FBXL13: variants seen among roughly 807,000 people sequenced by gnomAD.
The protein encoded by FBXL13 is F-box and leucine-rich repeat protein 13.
Under a neutral mutation model 83.6 loss-of-function variants are expected in FBXL13, and 67 were observed. The observed-to-expected ratio is 0.80, with a 90% CI of 0.66 to 0.98. FBXL13 has a LOEUF of 0.98. Among genes scored for constraint, FBXL13 ranks in the 50% least tolerant of loss-of-function variants. The pLI is 0.00. For synonymous variants in FBXL13, 272 were observed against 299.5 expected (o/e 0.91, Z 0.95); for missense variants, 822 against 866.5 (o/e 0.95, Z 0.64).
At chr7:102,925,702 G>A (rs538880278) in intron 10 of FBXL13, among the ~76,000 whole-genome samples, 5 of 152,072 alleles carry the variant, frequency 3.3e-5, no homozygotes, top group Non-Finnish European at 5.9e-5. Flanking sequence ...AGCGCTTTGG[G>A]AGGCCCAGGC....
At chr7:102,852,007 C>T (rs1196065319) in intron 17 of FBXL13, among the ~76,000 whole-genome samples, 1 of 152,134 alleles carries the variant, frequency 6.6e-6, no homozygotes, top group African/African-American at 2.4e-5. Flanking sequence ...TGTTGAGTAT[C>T]TGGCATAATT....
At chr7:103,052,605 A>G (rs1026463667) in intron 2 of FBXL13, among the ~76,000 whole-genome samples, 8 of 152,172 alleles carry the variant, frequency 5.3e-5, no homozygotes, top group African/African-American at 1.7e-4. Flanking sequence ...TTGCAAAGTC[A>G]TATCTCATTT....
chr7:103,031,971 A>G (rs10808121), intron 2 of FBXL13, among the ~76,000 whole-genome samples: 148,103 of 152,278 alleles, frequency 0.97, 72,175 homozygotes, highest in East Asian at 1. Context: ...TATTATGACT[A>G]AGAGTATGTC....
At chr7:103,055,160 T>G (rs1797216514) in intron 2 of FBXL13, 1 of 1,288,736 alleles carries the variant, frequency 7.8e-7, no homozygotes. Context: ...GTTTCATTGA[T>G]GGAGTAATGC....
intron 6 of FBXL13, among the ~76,000 whole-genome samples, chr7:103,004,991 T>C (rs1297488647): frequency 6.6e-6 from 1 of 152,226 alleles, no homozygotes; most frequent in Non-Finnish European, 1.5e-5. Flanking sequence ...TCAAGGAACA[T>C]AGTCCTAGAC....
At chr7:102,839,178 G>C (rs1401524669) in intron 17 of FBXL13, among the ~76,000 whole-genome samples, 2 of 152,192 alleles carry the variant, frequency 1.3e-5, no homozygotes, top group African/African-American at 4.8e-5. Context: ...GCAAAAATCT[G>C]GCTTACGTGC....
At chr7:103,033,685 C>T (rs1244797562) in intron 2 of FBXL13, among the ~76,000 whole-genome samples, 2 of 152,086 alleles carry the variant, frequency 1.3e-5, no homozygotes, top group Non-Finnish European at 2.9e-5. Context: ...GTGAGTGTTA[C>T]AGCTCATAAA....
At chr7:102,939,535 A>C in intron 8 of FBXL13, 1 of 1,614,102 alleles carries the variant, frequency 6.2e-7, no homozygotes, top group Non-Finnish European at 8.5e-7. Context: ...GATGTTCATG[A>C]GCTGAAGAAA....
chr7:102,972,025 CA>C (rs199784264), intron 6 of FBXL13, among the ~76,000 whole-genome samples: 4,039 of 90,880 alleles, frequency 0.044, 152 homozygotes, highest in East Asian at 0.22. Context: ...GAGTCCATCT[CA>C]AAAAAAAAAA....
At chr7:102,818,055 G>T (rs1798241182) in intron 19 of FBXL13, among the ~76,000 whole-genome samples, 1 of 152,178 alleles carries the variant, frequency 6.6e-6, no homozygotes, top group Non-Finnish European at 1.5e-5. Context: ...GGGATTCAGG[G>T]TTAGCCCTGT....
At chr7:102,983,545 G>A (rs183424539) in intron 6 of FBXL13, among the ~76,000 whole-genome samples, 18 of 151,516 alleles carry the variant, frequency 1.2e-4, no homozygotes, top group African/African-American at 4.1e-4. Context: ...TCAGCCTCTG[G>A]AGTAGCTGGT....
chr7:103,019,568 G>A (rs1482575277), intron 6 of FBXL13, among the ~76,000 whole-genome samples: 1 of 152,112 alleles, frequency 6.6e-6, no homozygotes, highest in African/African-American at 2.4e-5. Flanking sequence ...AAAATTGACA[G>A]ACGGATAGCA....
At chr7:102,918,276 T>A (rs774065869) in intron 10 of FBXL13, among the ~76,000 whole-genome samples, 4 of 152,220 alleles carry the variant, frequency 2.6e-5, no homozygotes, top group Non-Finnish European at 5.9e-5. Context: ...TCAAGTAGTA[T>A]CTATTCTGAA....
intron 1 of FBXL13, among the ~76,000 whole-genome samples, chr7:103,057,709 G>A (rs1797468671): frequency 6.6e-6 from 1 of 152,130 alleles, no homozygotes; most frequent in African/African-American, 2.4e-5. Flanking sequence ...TTTTCCTTAT[G>A]AGGTCCCCCC....
intron 6 of FBXL13, among the ~76,000 whole-genome samples, chr7:102,980,278 G>A (rs1025544908): frequency 6.6e-6 from 1 of 152,178 alleles, no homozygotes; most frequent in African/African-American, 2.4e-5. Flanking sequence ...CAATGGAATA[G>A]AGCTGAGAGA....
intron 10 of FBXL13, among the ~76,000 whole-genome samples, chr7:102,913,685 C>T (rs1247817760): frequency 6.6e-6 from 1 of 152,096 alleles, no homozygotes; most frequent in Non-Finnish European, 1.5e-5. Context: ...GGATTTGGGA[C>T]AGAAGGCAAA....
intron 6 of FBXL13, among the ~76,000 whole-genome samples, chr7:102,995,865 A>G (rs149453361): frequency 1.1e-4 from 16 of 152,296 alleles, no homozygotes; most frequent in African/African-American, 3.8e-4. Context: ...AATCTTTAAA[A>G]TGCAAAAACT....
chr7:102,944,380 C>T (rs1387938569), intron 8 of FBXL13: 1 of 1,614,050 alleles, frequency 6.2e-7, no homozygotes, highest in Non-Finnish European at 8.5e-7. Flanking sequence ...CTGGTTAAAG[C>T]ACCACTACAA....
intron 10 of FBXL13, among the ~76,000 whole-genome samples, chr7:102,925,291 A>T (rs1817903781): frequency 6.6e-6 from 1 of 152,122 alleles, no homozygotes; most frequent in African/African-American, 2.4e-5. Context: ...GCTACTCAGG[A>T]GGCTGAGGCG....
Sources: allele counts gnomAD v4.1 joint callset (sites outside exome capture counted in the v4.1 genomes callset), GRCh38; gene constraint gnomAD v4.1.1; transcripts MANE v1.5; gene names NCBI Gene and HGNC (gene_info 2026-07-23, HGNC 2026-07-21).